The following DAP3 variants were observed in gnomAD, a reference collection of about 807,000 sequenced individuals.
The protein encoded by DAP3 is death associated protein 3, also known as small ribosomal subunit protein mS29.
Under a neutral mutation model 51.9 loss-of-function variants are expected in DAP3, and 28 were observed. The ratio of observed to expected loss-of-function variants is 0.54; its 90% CI spans 0.40 to 0.74. DAP3 has a LOEUF of 0.74. Among genes scored for constraint, DAP3 ranks in the 30% least tolerant of loss-of-function variants. The pLI, the probability that DAP3 is intolerant of heterozygous loss-of-function variation, is 0.00. For missense variants in DAP3, 458 were observed against 483.5 expected (o/e 0.95, Z 0.49); for synonymous variants, 170 against 170.3 (o/e 1.00, Z 0.01).
At chr1:155,718,705 AAGATAGAT>A (rs61332895) in intron 3 of DAP3, among the ~76,000 whole-genome samples, 16,275 of 140,846 alleles carry the variant, frequency 0.12, 1,190 homozygotes, top group Middle Eastern at 0.21. Context: ...AAAAGAAAGA[AAGATAGAT>A]AGATAGATAG....
intron 3 of DAP3, among the ~76,000 whole-genome samples, chr1:155,720,324 C>CAAAAAAAAAAA (rs61252469): frequency 1.2e-4 from 4 of 32,808 alleles, no homozygotes; most frequent in African/African-American, 3.9e-4. Flanking sequence ...GATCTTGTCT[C>CAAAAAAAAAAA]AAAAAAAAAA....
chr1:155,712,884 A>G (rs1486697210), intron 2 of DAP3, among the ~76,000 whole-genome samples: 2 of 152,176 alleles, frequency 1.3e-5, no homozygotes, highest in African/African-American at 4.8e-5. Flanking sequence ...CTAAAGAGGC[A>G]TGGTGCTTTC....
In DAP3 at chr1:155,693,072, G is replaced by A. The variant is rs1056634271; in HGVS notation, c.-8+3898G>A. Among the ~76,000 whole-genome samples, 3 of 141,604 alleles carry A rather than the reference G, an allele frequency of 2.1e-5. 1 individual carries two copies. The highest frequency in any genetic ancestry group is 2.1e-4 in the South Asian group (1 of 4,820). 92.9% of individuals were successfully genotyped at this position (141,604 alleles called of 152,430 possible). A position where few individuals can be genotyped will look rare whatever the true frequency, so the allele number is the denominator to read the frequency against. On this transcript the variant is annotated intron_variant, in intron 1 of 12. Coordinates refer to ENST00000368336, the MANE Select transcript of DAP3 (RefSeq NM_004632.4). Reference sequence around the variant, plus strand: ...TAAACACTCCCTTTAACATTTCTGTGAGGATATGAATGGAAGAAGAGGCTT... The same window carrying A: ...TAAACACTCCCTTTAACATTTCTGTAAGGATATGAATGGAAGAAGAGGCTT...
At chr1:155,713,915 T>G (rs1057312750) in intron 2 of DAP3, among the ~76,000 whole-genome samples, 1 of 152,226 alleles carries the variant, frequency 6.6e-6, no homozygotes, top group Admixed American at 6.5e-5. Flanking sequence ...GGCAGTGTAA[T>G]AAAATTGCTG....
At chr1:155,707,345 G>A (rs1271048081) in intron 1 of DAP3, among the ~76,000 whole-genome samples, 7 of 151,376 alleles carry the variant, frequency 4.6e-5, no homozygotes, top group East Asian at 3.9e-4. Flanking sequence ...CCCGGGAGGC[G>A]GAGCTTGCAG....
At position 155,738,385 on chromosome 1, in the gene DAP3, C is replaced by A. The variant is rs530512292; in HGVS notation, c.*143C>A. 8.0e-5 allele frequency: 57 copies of A among 712,552 alleles called. No individual in the cohort carries two copies. The African/African-American group carries it at 9.6e-4, about 12-fold the overall frequency. The allele number at this position is 712,552 out of a possible 1,614,324, so 44.1% of individuals were successfully genotyped here. On this transcript the variant is annotated 3_prime_UTR_variant, in exon 13 of 13. Coordinates refer to ENST00000368336, the MANE Select transcript of DAP3 (RefSeq NM_004632.4). Reference sequence around the variant, plus strand: ...GGACAGGACTGCAGTTGGCTCTGGACCTGCATTAAAATGGGTTTCACTGTG... The same window carrying A: ...GGACAGGACTGCAGTTGGCTCTGGAACTGCATTAAAATGGGTTTCACTGTG...
At chr1:155,721,785 A>C in intron 4 of DAP3, 167 bp downstream of exon 4, 1 of 604,088 alleles carries the variant, frequency 1.7e-6, no homozygotes, top group Non-Finnish European at 2.9e-6. Flanking sequence ...CTTTAAGCTC[A>C]TGTTTAAACA....
intron 9 of DAP3, among the ~76,000 whole-genome samples, 199 bp from the exon 10 acceptor site, chr1:155,731,157 C>T (rs1188335210): frequency 6.6e-6 from 1 of 151,922 alleles, no homozygotes; most frequent in African/African-American, 2.4e-5. Context: ...GTCCCAGCTA[C>T]TCAGGAGGCT....
At chr1:155,688,881 G>A (rs512551), upstream of DAP3, 19,131 of 1,610,740 alleles carry the variant, frequency 0.012, 2,070 homozygotes, top group African/African-American at 0.23. Context: ...CTGGCTTGCC[G>A]TTTGACTGGA....
At chr1:155,726,075 G>A in intron 6 of DAP3, 56 bp downstream of exon 6, 2 of 1,396,336 alleles carry the variant, frequency 1.4e-6, no homozygotes, top group Non-Finnish European at 2.0e-6. Flanking sequence ...CTGTTACTGT[G>A]GTAGCCTTGC....
rs1384135853 is a variant in DAP3, at chr1:155,729,366, G to A, written c.843G>A (p.Pro281=). 9 of 1,612,920 alleles carry A rather than the reference G, an allele frequency of 5.6e-6. No homozygotes were observed. Among genetic ancestry groups the A allele is most frequent in the South Asian group, 1.1e-5 (1 of 91,008 alleles). ...CTCTGAAAAGAGAAGATAAAAGCCC[G>A]GTAGGAAAACTGGGTGTCTCTATCT... ...RTTLKREDKS[P]IAPEELALVH... Residue 281 remains proline (P), a splice_region_variant and synonymous_variant, in exon 9 of 13, where the codon CCG becomes CCA. Transcript: ENST00000368336.
chr1:155,695,054 C>T (rs926027553), intron 1 of DAP3, among the ~76,000 whole-genome samples: 3 of 152,140 alleles, frequency 2.0e-5, no homozygotes, highest in African/African-American at 2.4e-5. Flanking sequence ...AGGGGATAAC[C>T]GTACTGTGTT....
At chr1:155,709,921 C>A in intron 2 of DAP3, 97 bp downstream of exon 2, 1 of 1,182,138 alleles carries the variant, frequency 8.5e-7, no homozygotes, top group Non-Finnish European at 1.2e-6. Flanking sequence ...GTGAAATGCT[C>A]TGGAAAACTT....
At chr1:155,736,293 A>G (rs755226080) in intron 11 of DAP3, among the ~76,000 whole-genome samples, 30 of 152,158 alleles carry the variant, frequency 2.0e-4, no homozygotes, top group Non-Finnish European at 4.1e-4. Context: ...TATTCCTTTG[A>G]AAATATGAAA....
chr1:155,723,214 C>T (rs932830586), intron 4 of DAP3, among the ~76,000 whole-genome samples: 6 of 152,024 alleles, frequency 3.9e-5, no homozygotes, highest in Non-Finnish European at 8.8e-5. Flanking sequence ...AGTACAGTGG[C>T]GTGACCACAG....
At chr1:155,710,907 C>T (rs1656614148) in intron 2 of DAP3, among the ~76,000 whole-genome samples, 2 of 152,038 alleles carry the variant, frequency 1.3e-5, no homozygotes, top group African/African-American at 4.8e-5. Context: ...GGTGCTCTTA[C>T]AGCACCAAAG....
upstream of DAP3, chr1:155,688,301 C>A (rs574585167): frequency 3.3e-5 from 51 of 1,567,894 alleles, no homozygotes; most frequent in South Asian, 8.1e-5. Flanking sequence ...CGTTTCCCCT[C>A]GCAAAGCGAA....
intron 11 of DAP3, among the ~76,000 whole-genome samples, chr1:155,735,534 G>T (rs1201963754): frequency 6.6e-6 from 1 of 151,672 alleles, no homozygotes; most frequent in Non-Finnish European, 1.5e-5. Flanking sequence ...CCGAGATCGT[G>T]CCATTGCACT....
rs551652434 is a variant in DAP3 at position 155,738,324 on chromosome 1, C to G, written c.*82C>G. 2.2e-4 allele frequency: 328 copies of G among 1,485,092 alleles called. 2 individuals are homozygous for G. In the African/African-American group the frequency reaches 4.1e-3, roughly 19 times the overall value. 92.0% of individuals were successfully genotyped at this position (1,485,092 alleles called of 1,614,324 possible). A position where few individuals can be genotyped will look rare whatever the true frequency, so the allele number is the denominator to read the frequency against. ...TAAGATGAGGAAGTCGGGCAGTACACAGGAAGAGGAGCCAGGCCCTTGTAC... is the reference window on the plus strand; with the variant it reads ...TAAGATGAGGAAGTCGGGCAGTACAGAGGAAGAGGAGCCAGGCCCTTGTAC... On this transcript the variant is annotated 3_prime_UTR_variant, in exon 13 of 13. Transcript: ENST00000368336.
Sources: gnomAD v4.1 joint callset for allele counts (sites outside exome capture counted in the v4.1 genomes callset) on GRCh38, gnomAD v4.1.1 for gene constraint, MANE v1.5 for transcripts, NCBI Gene and HGNC (gene_info 2026-07-23, HGNC 2026-07-21) for gene names.